Variants in DIAPH3 observed in about 807,000 individuals in gnomAD.
DIAPH3 encodes the protein protein diaphanous homolog 3.
Under a neutral mutation model 144.3 loss-of-function variants are expected in DIAPH3, and 117 were observed. That is an observed-to-expected ratio of 0.81 (90% confidence interval 0.70 to 0.95). The LOEUF is 0.95. Among genes scored for constraint, DIAPH3 ranks in the 40% least tolerant of loss-of-function variants. The pLI is 0.00. For synonymous variants in DIAPH3, 519 were observed against 488.9 expected, an observed-to-expected ratio of 1.06 and a Z score of -0.81; for missense variants, 1,421 against 1,412.7, an observed-to-expected ratio of 1.01 and a Z score of -0.09.
intron 20 of DIAPH3, among the ~76,000 whole-genome samples, chr13:59,905,342 C>CAAAAAAAA (rs59114311): frequency 8.6e-5 from 6 of 69,758 alleles, no homozygotes; most frequent in African/African-American, 1.5e-4. Context: ...GACTCTGTCT[C>CAAAAAAAA]AAAAAAAAAA....
chr13:59,721,544 G>A (rs1349606648), intron 27 of DIAPH3, among the ~76,000 whole-genome samples: 3 of 151,952 alleles, frequency 2.0e-5, no homozygotes, highest in Admixed American at 2.0e-4. Flanking sequence ...GTGAATTGAC[G>A]GTGTGAGTTT....
chr13:59,885,355 G>T (rs2045367717), intron 20 of DIAPH3, among the ~76,000 whole-genome samples: 1 of 142,186 alleles, frequency 7.0e-6, no homozygotes, highest in African/African-American at 2.6e-5. Flanking sequence ...CCAGTGTTTT[G>T]ATTTCAATCA....
intron 17 of DIAPH3, among the ~76,000 whole-genome samples, chr13:59,947,795 T>C (rs568263566): frequency 2.0e-5 from 3 of 151,972 alleles, no homozygotes; most frequent in Non-Finnish European, 2.9e-5. Context: ...TCATTATTTA[T>C]TATTTTTGCT....
chr13:60,054,581 T>A (rs1200221465), intron 4 of DIAPH3, among the ~76,000 whole-genome samples: 1 of 151,952 alleles, frequency 6.6e-6, no homozygotes, highest in Admixed American at 6.6e-5. Flanking sequence ...GTGATGAGAC[T>A]TGTGAAGAAG....
intron 1 of DIAPH3, among the ~76,000 whole-genome samples, chr13:60,162,511 A>G (rs955484090): frequency 6.6e-6 from 1 of 152,190 alleles, no homozygotes; most frequent in Non-Finnish European, 1.5e-5. Flanking sequence ...ATCCTTCTGC[A>G]AAATGTCACT....
intron 5 of DIAPH3, 79 bp from the exon 6 acceptor site, chr13:60,016,224 T>A: frequency 8.3e-7 from 1 of 1,198,218 alleles, no homozygotes; most frequent in Non-Finnish European, 1.2e-6. Flanking sequence ...ACAAGTATTT[T>A]ATATTTGCTA....
At chr13:59,842,004 A>G (rs1369078971) in intron 22 of DIAPH3, among the ~76,000 whole-genome samples, 1 of 152,118 alleles carries the variant, frequency 6.6e-6, no homozygotes, top group Non-Finnish European at 1.5e-5. Context: ...ATAAATTATT[A>G]TAGAAATTAC....
At chr13:60,095,174 C>G (rs1000481207) in intron 3 of DIAPH3, among the ~76,000 whole-genome samples, 2 of 152,130 alleles carry the variant, frequency 1.3e-5, no homozygotes, top group African/African-American at 4.8e-5. Context: ...AAAGAATCAT[C>G]CTTAACTAAG....
chr13:59,872,221 C>T (rs549777644), intron 21 of DIAPH3, among the ~76,000 whole-genome samples: 3 of 152,098 alleles, frequency 2.0e-5, no homozygotes, highest in Non-Finnish European at 2.9e-5. Flanking sequence ...TATAAATTTC[C>T]CTGTGAGCAC....
intron 24 of DIAPH3, among the ~76,000 whole-genome samples, chr13:59,817,189 C>T (rs1229945952): frequency 1.3e-5 from 2 of 151,706 alleles, no homozygotes; most frequent in Admixed American, 1.3e-4. Flanking sequence ...CTTTAATTAT[C>T]GAGTTTGAAT....
chr13:59,970,731 A>G, intron 16 of DIAPH3, 121 bp downstream of exon 16: 1 of 876,294 alleles, frequency 1.1e-6, no homozygotes, highest in Non-Finnish European at 1.7e-6. Flanking sequence ...ATTAGAAATT[A>G]TGTATATATA....
chr13:59,796,902 A>T (rs372301028), intron 25 of DIAPH3, among the ~76,000 whole-genome samples: 1 of 152,300 alleles, frequency 6.6e-6, no homozygotes, highest in East Asian at 1.9e-4. Context: ...TTTGTTATTA[A>T]TTTACAGAAT....
At chr13:59,882,785 C>T (rs150706407) in intron 20 of DIAPH3, among the ~76,000 whole-genome samples, 4 of 152,230 alleles carry the variant, frequency 2.6e-5, no homozygotes, top group Middle Eastern at 3.4e-3. Flanking sequence ...GTTACAAAGT[C>T]TTGGCAATAT....
At chr13:59,901,542 C>T (rs146518285) in intron 20 of DIAPH3, among the ~76,000 whole-genome samples, 217 of 152,300 alleles carry the variant, frequency 1.4e-3, no homozygotes, top group African/African-American at 5.0e-3. Context: ...TCACTACTAT[C>T]TGATATTACA....
chr13:60,089,601 T>C (rs543285970), intron 4 of DIAPH3, among the ~76,000 whole-genome samples: 2 of 152,330 alleles, frequency 1.3e-5, no homozygotes, highest in Admixed American at 1.3e-4. Context: ...ATTTGGCCTA[T>C]CACATCACAT....
chr13:59,687,603 TCTC>T (rs748127020), intron 27 of DIAPH3, among the ~76,000 whole-genome samples: 3 of 152,176 alleles, frequency 2.0e-5, no homozygotes, highest in Non-Finnish European at 4.4e-5. Flanking sequence ...AAATCTGACA[TCTC>T]CTCTTAGTGT....
rs184945051 is a variant in DIAPH3 at position 60,127,059 on chromosome 13, A to G, written c.213+5898T>C. Among the ~76,000 whole-genome samples, 501 of 152,234 alleles carry G rather than the reference A, an allele frequency of 3.3e-3. 2 individuals are homozygous for G. Among genetic ancestry groups the G allele is most frequent in the African/African-American group, 0.011 (462 of 41,576 alleles). On this transcript the variant is annotated intron_variant, in intron 2 of 27. Transcript: ENST00000400324. ...AAGAAAATTAGTGAAAACAAAAGCTAGTTTTTCAAAAGATCAATAAAACTG... is the reference window on the plus strand; with the variant it reads ...AAGAAAATTAGTGAAAACAAAAGCTGGTTTTTCAAAAGATCAATAAAACTG...
intron 27 of DIAPH3, among the ~76,000 whole-genome samples, chr13:59,744,950 C>T (rs1186085039): frequency 6.6e-6 from 1 of 152,174 alleles, no homozygotes; most frequent in Non-Finnish European, 1.5e-5. Flanking sequence ...AGAATGCTCT[C>T]ACCCTGGCCT....
chr13:59,865,399 C>T (rs564341300), intron 21 of DIAPH3, among the ~76,000 whole-genome samples: 17 of 151,974 alleles, frequency 1.1e-4, no homozygotes, highest in Middle Eastern at 3.4e-3. Context: ...AACTTTGTAA[C>T]GCTAAATCTT....
Sources: gnomAD v4.1 joint callset for allele counts (sites outside exome capture counted in the v4.1 genomes callset) on GRCh38, gnomAD v4.1.1 for gene constraint, MANE v1.5 for transcripts, NCBI Gene and HGNC (gene_info 2026-07-23, HGNC 2026-07-21) for gene names.